The following TARS2 variants were observed in gnomAD, a reference collection of about 807,000 sequenced individuals.
TARS2 encodes the protein threonine--tRNA ligase, mitochondrial.
A neutral mutation model predicts 94.4 loss-of-function variants in TARS2; 61 were observed. The observed-to-expected ratio is 0.65, with a 90% CI of 0.53 to 0.80. The LOEUF is 0.80. TARS2 is among the 30% of genes least tolerant of loss of function. TARS2 has a pLI of 0.00. For missense variants in TARS2, 704 were observed against 902.5 expected (o/e 0.78, Z 2.82); for synonymous variants, 359 against 353.4 (o/e 1.02, Z -0.18).
intron 6 of TARS2, 140 bp downstream of exon 6, chr1:150,491,802 T>C (rs587753819): frequency 5.2e-6 from 5 of 965,030 alleles, no homozygotes; most frequent in South Asian, 4.7e-5. Context: ...ATTTTTTTTT[T>C]TTCTTTTTTT....
Position 150,491,487 on chromosome 1 carries a change from G to C in TARS2, c.606G>C (p.Arg202=). Reference sequence around the variant, plus strand: ...CCTTCCGGAGGCTAGAGGCTTCACGGGATCAGCTTCGCCAGTTGTTCAAGG... The same window carrying C: ...CCTTCCGGAGGCTAGAGGCTTCACGCGATCAGCTTCGCCAGTTGTTCAAGG... ...ARPFRRLEAS[R]DQLRQLFKDN... is the part of the protein sequence containing the mutation. Residue 202 remains arginine (R), a synonymous_variant, in exon 5 of 18, where the codon CGG becomes CGC. Transcript: ENST00000369064. 2 of 1,614,174 alleles carry C rather than the reference G, an allele frequency of 1.2e-6. No homozygotes were observed. Among genetic ancestry groups the C allele is most frequent in the Admixed American group, 1.7e-5 (1 of 60,018 alleles).
At position 150,499,050 on chromosome 1, in the gene TARS2, A is replaced by C. The variant is rs1270186199; in HGVS notation, c.1539+16A>C. The C allele has an allele frequency of 3.1e-6, 5 of 1,613,954 alleles. No homozygotes were observed. The African/African-American group carries it at 6.7e-5, about 22-fold the overall frequency. Reference sequence around the variant, plus strand: ...GGCCGAACAGGTGAGTAGGAGGTAGAGAAATAGAGGCAGATAAACCACTCT... The same window carrying C: ...GGCCGAACAGGTGAGTAGGAGGTAGCGAAATAGAGGCAGATAAACCACTCT... On this transcript the variant is annotated intron_variant, in intron 12 of 17. Transcript: ENST00000369064.
In TARS2 at chr1:150,497,526, C is replaced by T. The variant is rs781145471; in HGVS notation, c.1021-4C>T. 2.5e-6 allele frequency: 4 copies of T among 1,613,766 alleles called. No homozygotes were observed. The highest frequency in any genetic ancestry group is 2.5e-6 in the Non-Finnish European group (3 of 1,179,944). ...ACCTTCCATGTCTGTACCCTCCTCT[C>T]CAGGCTGAGTATGCCCATCGTGGTT... On this transcript the variant is annotated splice_polypyrimidine_tract_variant and splice_region_variant and intron_variant, in intron 9 of 17. Coordinates refer to ENST00000369064, the MANE Select transcript of TARS2 (RefSeq NM_025150.5).
At chr1:150,488,864 A>G (rs1475045205) in intron 2 of TARS2, 100 bp from the exon 3 acceptor site, 1 of 1,497,658 alleles carries the variant, frequency 6.7e-7, no homozygotes, top group Non-Finnish European at 8.9e-7. Context: ...TGTGAGATCA[A>G]CTTTTTAAAC....
intron 14 of TARS2, 91 bp from the exon 15 acceptor site, chr1:150,504,541 T>C: frequency 6.4e-7 from 1 of 1,571,356 alleles, no homozygotes; most frequent in Non-Finnish European, 8.7e-7. Flanking sequence ...CTGCCAGAGC[T>C]GAATATTTCT....
rs1485791276 is a variant in TARS2, at chr1:150,487,434, C to T, written c.-17C>T. 2 of 1,614,068 alleles carry T rather than the reference C, an allele frequency of 1.2e-6. No homozygotes were observed. The highest frequency in any genetic ancestry group is 1.7e-5 in the Admixed American group (1 of 59,998). Reference sequence around the variant, plus strand: ...GCGATAATCTGTTTGAGGATGTAGGCACTGGTGTGAAGGAACATGGCCCTG... The same window carrying T: ...GCGATAATCTGTTTGAGGATGTAGGTACTGGTGTGAAGGAACATGGCCCTG... On this transcript the variant is annotated 5_prime_UTR_variant, in exon 1 of 18. Coordinates refer to ENST00000369064, the MANE Select transcript of TARS2 (RefSeq NM_025150.5).
intron 7 of TARS2, among the ~76,000 whole-genome samples, 191 bp downstream of exon 7, chr1:150,492,680 C>T (rs910902241): frequency 4.6e-5 from 7 of 151,520 alleles, no homozygotes; most frequent in Non-Finnish European, 1.0e-4. Flanking sequence ...TGTGGTGGCA[C>T]ACACCTGTAG....
At chr1:150,503,550 T>C (rs2102506659) in intron 13 of TARS2, among the ~76,000 whole-genome samples, 1 of 83,570 alleles carries the variant, frequency 1.2e-5, no homozygotes, top group Non-Finnish European at 2.5e-5. Flanking sequence ...CACATATGTG[T>C]GTGTGTGTGT....
chr1:150,503,716 C>T (rs1270376907), intron 13 of TARS2, among the ~76,000 whole-genome samples: 3 of 149,354 alleles, frequency 2.0e-5, no homozygotes, highest in Admixed American at 6.7e-5. Context: ...TATACACACA[C>T]ACACACACAC....
At chr1:150,505,908 C>G (rs1355831483) in intron 17 of TARS2, among the ~76,000 whole-genome samples, 5 of 152,164 alleles carry the variant, frequency 3.3e-5, no homozygotes, top group Non-Finnish European at 1.5e-5. Context: ...TTCTGACACT[C>G]AAAATAGTTT....
chr1:150,498,594 G>A lies in TARS2; in HGVS notation c.1331G>A (p.Gly444Asp), dbSNP rs776060092. The change falls in exon 11 of 18, where the codon GGT becomes GAT. Residue 444 changes from glycine to aspartate, a missense_variant. Transcript: ENST00000369064. ...CTACACCGGGCCGAAGCCTCTGGTG[G>A]TCTGGGGGGACTGACCCGACTGCGG... ...GALHRAEASG[G>D]LGGLTRLRCF... is the part of the protein sequence containing the mutation. 6.2e-7 allele frequency: 1 copy of A among 1,612,432 alleles called. No homozygotes were observed. Among genetic ancestry groups the A allele is most frequent in the Non-Finnish European group, 8.5e-7 (1 of 1,179,556 alleles).
chr1:150,497,039 T>A, intron 9 of TARS2, 131 bp downstream of exon 9: 1 of 837,260 alleles, frequency 1.2e-6, no homozygotes, highest in Non-Finnish European at 1.8e-6. Context: ...TCCTAGCACT[T>A]TCGGAGGCTG....
intron 17 of TARS2, among the ~76,000 whole-genome samples, chr1:150,506,434 A>C (rs1670206155): frequency 6.6e-6 from 1 of 151,174 alleles, no homozygotes; most frequent in African/African-American, 2.4e-5. Flanking sequence ...TGAAGGCCAC[A>C]CCACTCCTGC....
At chr1:150,491,696 G>A (rs771342908) in intron 6 of TARS2, 34 bp downstream of exon 6, 26 of 1,609,394 alleles carry the variant, frequency 1.6e-5, no homozygotes, top group Admixed American at 1.3e-4. Flanking sequence ...AAACAGAGAG[G>A]TGGGGAAGCA....
intron 7 of TARS2, among the ~76,000 whole-genome samples, chr1:150,494,703 A>G (rs928909127): frequency 6.6e-6 from 1 of 151,892 alleles, no homozygotes; most frequent in Non-Finnish European, 1.5e-5. Flanking sequence ...GCACCACTGC[A>G]CTCCAGCCTG....
intron 7 of TARS2, among the ~76,000 whole-genome samples, chr1:150,496,106 T>C (rs1469044923): frequency 2.0e-5 from 3 of 152,190 alleles, no homozygotes; most frequent in Admixed American, 6.6e-5. Flanking sequence ...GACTGACTTT[T>C]CTAGCAGCTG....
rs765013176 is a variant in TARS2, at chr1:150,504,637, C to T, written c.1724C>T (p.Ala575Val). The T allele has an allele frequency of 2.2e-5, 35 of 1,612,766 alleles. No homozygotes were observed. The highest frequency in any genetic ancestry group is 2.9e-5 in the Non-Finnish European group (34 of 1,179,112). The change falls in exon 15 of 18, where the codon GCG becomes GTG. Residue 575 changes from alanine to valine, a missense_variant. Ala to Val is a moderately conservative substitution (Grantham distance 64). This residue lies in a region of TARS2 where 466 missense variants were observed against 609.5 expected (regional missense o/e 0.76). Transcript: ENST00000369064. ...CCCCCCTTTTTCCTTTCAAGGCAGG[C>T]GGGTGCCCTGGAGCGTCCAGTCCTC... ...LRFDLQYKGQ[A>V]GALERPVLIH...
chr1:150,494,167 G>C (rs1669534823), intron 7 of TARS2, among the ~76,000 whole-genome samples: 1 of 152,074 alleles, frequency 6.6e-6, no homozygotes, highest in African/African-American at 2.4e-5. Context: ...AGGAGTTCGA[G>C]ACCAGCCTGG....
rs1670274752 is a variant in TARS2 at position 150,507,315 on chromosome 1, A to G, written c.*251A>G. ...CCAGGCGCAGTGGCTCATGCCTGTA[A>G]TCCCAGCACTCTGGGAGGCTGAGGC... On this transcript the variant is annotated 3_prime_UTR_variant, in exon 18 of 18. Coordinates refer to ENST00000369064, the MANE Select transcript of TARS2 (RefSeq NM_025150.5). 2.5e-6 allele frequency: 1 copy of G among 404,192 alleles called. No individual in the cohort carries two copies. The highest frequency in any genetic ancestry group is 4.4e-6 in the Non-Finnish European group (1 of 225,522). The allele number at this position is 404,192 out of a possible 1,614,324, so 25.0% of individuals were successfully genotyped here.
Sources: allele counts gnomAD v4.1 joint callset (sites outside exome capture counted in the v4.1 genomes callset), GRCh38; gene constraint gnomAD v4.1.1; regional missense constraint gnomAD v4.1.1; transcripts MANE v1.5; gene names NCBI Gene and HGNC (gene_info 2026-07-23, HGNC 2026-07-21).